The following PDCL3 variants were observed in gnomAD, a reference collection of about 807,000 sequenced individuals.
PDCL3 encodes the protein phosducin like 3.
Under a neutral mutation model 26.5 loss-of-function variants are expected in PDCL3, and 22 were observed. The ratio of observed to expected loss-of-function variants is 0.83; its 90% CI spans 0.59 to 1.19. The LOEUF (loss-of-function observed/expected upper bound fraction) is 1.19. Ranked by LOEUF, PDCL3 falls within the 50% of genes most tolerant of loss-of-function variation. PDCL3 has a pLI of 0.00. For synonymous variants in PDCL3, 81 were observed against 104.9 expected (o/e 0.77, Z 1.39); for missense variants, 246 against 294.1 (o/e 0.84, Z 1.20).
intron 2 of PDCL3, among the ~76,000 whole-genome samples, chr2:100,566,862 ACTT>A (rs1205664756): frequency 6.6e-6 from 1 of 152,128 alleles, no homozygotes; most frequent in Non-Finnish European, 1.5e-5. Flanking sequence ...TGAAGAAAAT[ACTT>A]CTTTCTGCTT....
Position 100,571,773 on chromosome 2 carries a change from T to G in PDCL3, c.552T>G (p.Phe184Leu). 1 of 1,614,118 alleles carries G rather than the reference T, an allele frequency of 6.2e-7. No homozygotes were observed. The highest frequency in any genetic ancestry group is 1.7e-5 in the Admixed American group (1 of 60,018). The change falls in exon 5 of 6, where the codon TTT becomes TTG. Residue 184 changes from phenylalanine to leucine, a missense_variant. Phe to Leu is a conservative substitution (Grantham distance 22). Transcript: ENST00000264254. ...CTCAGTTTATTGGTCCTCTGGTGTT[T>G]GGCGGCATGAACCTGACAAGAGATG... Reference protein sequence around the residue: ...IKAQFIGPLVFGGMNLTRDEL... With the variant: ...IKAQFIGPLVLGGMNLTRDEL...
chr2:100,571,431 G>A (rs1372657213), intron 4 of PDCL3, among the ~76,000 whole-genome samples, 159 bp from the exon 5 acceptor site: 1 of 152,108 alleles, frequency 6.6e-6, no homozygotes, highest in Non-Finnish European at 1.5e-5. Flanking sequence ...GTGAAAACAA[G>A]ACCCTATGTC....
intron 3 of PDCL3, 23 bp downstream of exon 3, chr2:100,569,044 G>A: frequency 1.9e-6 from 3 of 1,577,656 alleles, no homozygotes; most frequent in Non-Finnish European, 2.6e-6. Context: ...CAGAGGGGCT[G>A]TTTGTTTTTT....
chr2:100,563,496 C>T (rs189894839), intron 1 of PDCL3: 2,338 of 165,720 alleles, frequency 0.014, 30 homozygotes, highest in Non-Finnish European at 0.022. Context: ...GTTCCTGGCT[C>T]CACTGAGAGC....
intron 1 of PDCL3, 147 bp from the exon 2 acceptor site, chr2:100,566,356 G>C: frequency 2.8e-6 from 3 of 1,081,324 alleles, no homozygotes; most frequent in East Asian, 2.5e-5. Flanking sequence ...CGGGGGCTAT[G>C]GATCTTTTGA....
intron 5 of PDCL3, among the ~76,000 whole-genome samples, chr2:100,573,771 G>C (rs1448271124): frequency 6.6e-6 from 1 of 151,614 alleles, no homozygotes; most frequent in African/African-American, 2.4e-5. Flanking sequence ...ATATTCCAGT[G>C]TTCAAAGGCG....
rs781343604 is a variant in PDCL3, at chr2:100,571,816, C to T, written c.577+18C>T. ...AAGAGATGGTAAGGGCTCTGGGAGA[C>T]AGGCGGGGCAGTGAGAGATGGGAGG... On this transcript the variant is annotated intron_variant, in intron 5 of 5. Transcript: ENST00000264254. 2 of 1,612,152 alleles carry T rather than the reference C, an allele frequency of 1.2e-6. No homozygotes were observed. Among genetic ancestry groups the T allele is most frequent in the African/African-American group, 1.3e-5 (1 of 74,862 alleles).
intron 1 of PDCL3, among the ~76,000 whole-genome samples, chr2:100,565,191 A>G (rs1034738095): frequency 2.0e-5 from 3 of 150,870 alleles, no homozygotes; most frequent in African/African-American, 7.3e-5. Flanking sequence ...TGGTCTTTTA[A>G]CTCCTGACCT....
At chr2:100,574,082 C>T (rs2104397632) in intron 5 of PDCL3, among the ~76,000 whole-genome samples, 1 of 152,206 alleles carries the variant, frequency 6.6e-6, no homozygotes, top group East Asian at 1.9e-4. Context: ...TGGCTCACTC[C>T]AGCCTCAGCC....
At chr2:100,573,375 T>C (rs1309009108) in intron 5 of PDCL3, among the ~76,000 whole-genome samples, 1 of 152,024 alleles carries the variant, frequency 6.6e-6, no homozygotes, top group East Asian at 1.9e-4. Context: ...ACTGTACCAC[T>C]AAGATACTCA....
chr2:100,569,677 A>T lies in PDCL3; in HGVS notation c.324A>T (p.Lys108Asn), dbSNP rs143513425. The T allele has an allele frequency of 2.5e-6, 4 of 1,613,942 alleles. No individual in the cohort carries two copies. The African/African-American group carries it at 5.3e-5, about 22-fold the overall frequency. The change falls in exon 4 of 6, where the codon AAA (lysine) becomes AAT (asparagine). Residue 108 changes from lysine to asparagine, a missense_variant. By Grantham distance (94) the Lys-to-Asn change is moderately conservative. Transcript: ENST00000264254. Reference sequence around the variant, plus strand: ...AGGATTATGTTCAAGAAGTTACCAAAGCTGGCGAGGGCTTGTGGGTCATCT... The same window carrying T: ...AGGATTATGTTCAAGAAGTTACCAATGCTGGCGAGGGCTTGTGGGTCATCT... ...SGKDYVQEVT[K>N]AGEGLWVILH...
chr2:100,568,485 A>G (rs1489663160), intron 2 of PDCL3, among the ~76,000 whole-genome samples: 1 of 152,148 alleles, frequency 6.6e-6, no homozygotes, highest in Non-Finnish European at 1.5e-5. Context: ...TACAAAAATT[A>G]GCTGGGTGTG....
Position 100,566,609 on chromosome 2 carries a change from G to T in PDCL3, c.113G>T (p.Arg38Leu), listed in dbSNP as rs770906319. Residue 38 changes from arginine to leucine, a missense_variant, in exon 2 of 6, where the codon CGC becomes CTC. Transcript: ENST00000264254. ...ELEEEAEEEQRILQQSVVKTY... is the reference protein window; with the variant it reads ...ELEEEAEEEQLILQQSVVKTY... ...GAAGAGGAGGCAGAAGAGGAGCAGCGCATCCTCCAGCAGTCAGTGGGTGAG... is the reference window on the plus strand; with the variant it reads ...GAAGAGGAGGCAGAAGAGGAGCAGCTCATCCTCCAGCAGTCAGTGGGTGAG... 1.7e-5 allele frequency: 28 copies of T among 1,613,946 alleles called. No individual in the cohort carries two copies. The highest frequency in any genetic ancestry group is 2.4e-5 in the Non-Finnish European group (28 of 1,179,904).
At chr2:100,570,254 A>G (rs1406310532) in intron 4 of PDCL3, among the ~76,000 whole-genome samples, 1 of 152,150 alleles carries the variant, frequency 6.6e-6, no homozygotes, top group African/African-American at 2.4e-5. Flanking sequence ...AGCAATGAAG[A>G]CTATGCTTTT....
chr2:100,564,014 C>T (rs1675010995), intron 1 of PDCL3, among the ~76,000 whole-genome samples: 1 of 150,904 alleles, frequency 6.6e-6, no homozygotes, highest in Admixed American at 6.6e-5. Context: ...CGGGGCTAAG[C>T]CATCCTCCCT....
Position 100,563,053 on chromosome 2 carries a change from TG to T in PDCL3, c.-14del, listed in dbSNP as rs1256247572. 6.2e-7 allele frequency: 1 copy of T among 1,603,170 alleles called. No individual in the cohort carries two copies. The highest frequency in any genetic ancestry group is 2.3e-5 in the East Asian group (1 of 44,426). On this transcript the variant is annotated 5_prime_UTR_variant, in exon 1 of 6. Coordinates refer to ENST00000264254, the MANE Select transcript of PDCL3 (RefSeq NM_024065.5). ...CTGCGGCACAGCTGGTTTGAGCAAC[TG>T]AACTGGAAACAAGATGCAGGTGAGC...
intron 4 of PDCL3, 92 bp from the exon 5 acceptor site, chr2:100,571,498 C>A (rs1247431244): frequency 1.8e-6 from 2 of 1,141,366 alleles, no homozygotes; most frequent in Non-Finnish European, 2.5e-6. Flanking sequence ...GAAACTGTTA[C>A]AAGGTTTTAC....
At chr2:100,575,770 G>A (rs1675274485) in intron 5 of PDCL3, among the ~76,000 whole-genome samples, 1 of 152,202 alleles carries the variant, frequency 6.6e-6, no homozygotes, top group Non-Finnish European at 1.5e-5. Context: ...TACTGGACAT[G>A]AGGCTGAAGA....
In PDCL3 at chr2:100,571,720, T is replaced by C; in HGVS notation, c.499T>C (p.Phe167Leu). 6.2e-7 allele frequency: 1 copy of C among 1,614,016 alleles called. No homozygotes were observed. The highest frequency in any genetic ancestry group is 2.2e-5 in the East Asian group (1 of 44,882). ...TCCTGATAGGAATCTGCCCACGATA[T>C]TTGTTTACCTGGAAGGAGATATCAA... ...NYPDRNLPTI[F>L]VYLEGDIKAQ... The change falls in exon 5 of 6, where the codon TTT (phenylalanine) becomes CTT (leucine). Residue 167 changes from phenylalanine to leucine, a missense_variant. Coordinates refer to ENST00000264254, the MANE Select transcript of PDCL3 (RefSeq NM_024065.5).
Sources: gnomAD v4.1 joint callset for allele counts (sites outside exome capture counted in the v4.1 genomes callset) on GRCh38, gnomAD v4.1.1 for gene constraint, MANE v1.5 for transcripts, NCBI Gene and HGNC (gene_info 2026-07-23, HGNC 2026-07-21) for gene names.